Variants in KIF20B observed in about 807,000 individuals in gnomAD.
KIF20B encodes kinesin-like protein KIF20B.
A neutral mutation model predicts 232.5 loss-of-function variants in KIF20B; 188 were observed. That is an observed-to-expected ratio of 0.81 (90% CI 0.72 to 0.91). KIF20B has a LOEUF of 0.91. Ranked by LOEUF, KIF20B falls within the 40% of genes least tolerant of loss-of-function variation. The pLI is 0.00. For synonymous variants in KIF20B, 712 were observed against 683.0 expected, an observed-to-expected ratio of 1.04 and a Z score of -0.66; for missense variants, 2,154 against 2,055.9, an observed-to-expected ratio of 1.05 and a Z score of -0.92.
chr10:89,721,931 A>G (rs1843067697), intron 13 of KIF20B, among the ~76,000 whole-genome samples: 1 of 152,134 alleles, frequency 6.6e-6, no homozygotes, highest in Non-Finnish European at 1.5e-5. Flanking sequence ...TTTCTTCTAG[A>G]GACAAAGTCT....
chr10:89,751,335 C>T lies in KIF20B; in HGVS notation c.4097-11C>T, dbSNP rs1172916814. 17 of 1,582,976 alleles carry T rather than the reference C, an allele frequency of 1.1e-5. No individual in the cohort carries two copies. The highest frequency in any genetic ancestry group is 1.5e-5 in the Non-Finnish European group (17 of 1,167,688). ...CTATTAATTTCTAAAATGTTCTCCC[C>T]CGATTTTTAGATCTAAATGTTAAAG... is the stretch of plus-strand genomic sequence containing the variant. On this transcript the variant is annotated splice_polypyrimidine_tract_variant and intron_variant, in intron 23 of 32. Coordinates refer to ENST00000371728, the MANE Select transcript of KIF20B (RefSeq NM_001284259.2).
chr10:89,726,865 G>C (rs1355550767), intron 16 of KIF20B, among the ~76,000 whole-genome samples: 1 of 152,034 alleles, frequency 6.6e-6, no homozygotes, highest in Non-Finnish European at 1.5e-5. Flanking sequence ...GGAGTCAGTA[G>C]TGGCATCACA....
chr10:89,702,881 C>T (rs955677809), intron 1 of KIF20B, among the ~76,000 whole-genome samples: 1 of 151,830 alleles, frequency 6.6e-6, no homozygotes, highest in Admixed American at 6.6e-5. Context: ...AGGCAAGGTT[C>T]TTGCCATCAA....
intron 21 of KIF20B, 119 bp downstream of exon 21, chr10:89,739,215 T>A: frequency 8.9e-7 from 1 of 1,127,320 alleles, no homozygotes; most frequent in Non-Finnish European, 1.2e-6. Flanking sequence ...TAATTTTTCT[T>A]AAAATTACAA....
chr10:89,760,172 G>A (rs191931245), intron 27 of KIF20B, among the ~76,000 whole-genome samples: 65 of 152,218 alleles, frequency 4.3e-4, no homozygotes, highest in African/African-American at 1.4e-3. Context: ...AACGTGTGTC[G>A]TTCTCTATTT....
Position 89,763,946 on chromosome 10 carries a change from G to A in KIF20B, c.4989+1111G>A, listed in dbSNP as rs976809194. ...GTTTTAGGGTACATGTGCACAATGT[G>A]CAGTTTAGTTACATATGTATATATG... is the stretch of plus-strand genomic sequence containing the variant. On this transcript the variant is annotated intron_variant, in intron 29 of 32. Transcript: ENST00000371728. Among the ~76,000 whole-genome samples the A allele has an allele frequency of 1.8e-4, 27 of 150,252 alleles. No individual in the cohort carries two copies. The East Asian group carries it at 4.3e-3, about 24-fold the overall frequency.
chr10:89,741,270 G>A (rs551377892), intron 21 of KIF20B, among the ~76,000 whole-genome samples: 3 of 152,210 alleles, frequency 2.0e-5, no homozygotes, highest in South Asian at 2.1e-4. Flanking sequence ...GACAGTAGGC[G>A]GAGCTCAGGC....
intron 15 of KIF20B, among the ~76,000 whole-genome samples, 184 bp from the exon 16 acceptor site, chr10:89,726,109 C>T (rs147382103): frequency 1.3e-5 from 2 of 152,136 alleles, no homozygotes; most frequent in Non-Finnish European, 2.9e-5. Flanking sequence ...ATGGTCCATA[C>T]AGCAGAAAAT....
rs1344888406 is a variant in KIF20B at position 89,726,358 on chromosome 10, T to G, written c.2067T>G (p.Ile689Met). 3.9e-6 allele frequency: 6 copies of G among 1,556,596 alleles called. No individual in the cohort carries two copies. The highest frequency in any genetic ancestry group is 5.2e-6 in the Non-Finnish European group (6 of 1,149,026). ...IDSLQDNVAD[I>M]KKQAEIAHLY... ...CTCTTCAAGATAATGTTGCTGATATTAAGAAACAGGCTGAAATTGCTCACT... is the reference window on the plus strand; with the variant it reads ...CTCTTCAAGATAATGTTGCTGATATGAAGAAACAGGCTGAAATTGCTCACT... Residue 689 changes from isoleucine to methionine, a missense_variant, in exon 16 of 33, where the codon ATT (isoleucine) becomes ATG (methionine). By Grantham distance (10) the Ile-to-Met change is conservative. Coordinates refer to ENST00000371728, the MANE Select transcript of KIF20B (RefSeq NM_001284259.2).
At chr10:89,740,233 CTTT>C (rs35967236) in intron 21 of KIF20B, among the ~76,000 whole-genome samples, 2,481 of 135,260 alleles carry the variant, frequency 0.018, 82 homozygotes, top group African/African-American at 0.062. Context: ...ATTGTGCTGT[CTTT>C]TTTTTTTTTT....
chr10:89,737,572 CAG>C lies in KIF20B; in HGVS notation c.2733_2734del (p.Gln911HisfsTer12). 6.2e-7 allele frequency: 1 copy of C among 1,605,736 alleles called. No homozygotes were observed. The highest frequency in any genetic ancestry group is 8.5e-7 in the Non-Finnish European group (1 of 1,176,744). ...EKEEKAELNKQIVHFQQELSL... is the reference protein window; with the variant it reads ...EKEEKAELNKXIVHFQQELSL... ...GGAAGAAAAAGCAGAATTAAATAAA[CAG>C]ATTGTTCATTTTCAGCAGGAACTTT... On this transcript the variant is annotated frameshift_variant, in exon 20 of 33. Transcript: ENST00000371728. LOFTEE classifies it high-confidence loss of function.
intron 18 of KIF20B, among the ~76,000 whole-genome samples, chr10:89,730,275 G>A (rs1328870265): frequency 2.6e-5 from 4 of 152,050 alleles, no homozygotes; most frequent in African/African-American, 9.7e-5. Context: ...AAACTATTTA[G>A]TAATAATTAG....
chr10:89,771,974 A>G (rs910403752), intron 31 of KIF20B, among the ~76,000 whole-genome samples: 1 of 151,940 alleles, frequency 6.6e-6, no homozygotes, highest in African/African-American at 2.4e-5. Flanking sequence ...CTGGACTCTC[A>G]GCTCTCTCAA....
Position 89,732,593 on chromosome 10 carries a change from A to G in KIF20B, c.2392-310A>G, listed in dbSNP as rs1843349470. On this transcript the variant is annotated intron_variant, in intron 18 of 32. Transcript: ENST00000371728. ...CTAGGAGTTGTTAATGTTTAAGACA[A>G]TACTAATCTTTAAGAGGCTTTGGCT... Among the ~76,000 whole-genome samples the G allele has an allele frequency of 2.0e-5, 3 of 152,356 alleles. No homozygotes were observed. The South Asian group carries it at 6.2e-4, about 32-fold the overall frequency.
intron 22 of KIF20B, 34 bp from the exon 23 acceptor site, chr10:89,745,865 A>G (rs1469846541): frequency 7.1e-7 from 1 of 1,409,050 alleles, no homozygotes; most frequent in South Asian, 1.2e-5. Context: ...TTTTAAGTTA[A>G]TTTGCAATTA....
chr10:89,702,755 C>G (rs943404175), intron 1 of KIF20B, among the ~76,000 whole-genome samples: 52 of 141,806 alleles, frequency 3.7e-4, no homozygotes, highest in Non-Finnish European at 6.4e-4. Context: ...CTAGGACCGA[C>G]TTTTTTTTTT....
intron 26 of KIF20B, among the ~76,000 whole-genome samples, chr10:89,757,869 C>G (rs10881659): frequency 6.6e-6 from 1 of 150,940 alleles, no homozygotes; most frequent in Non-Finnish European, 1.5e-5. Flanking sequence ...TTGTTCCAGC[C>G]CCATTTATTG....
intron 1 of KIF20B, among the ~76,000 whole-genome samples, chr10:89,703,126 TG>T (rs1394574801): frequency 3.3e-5 from 5 of 151,474 alleles, no homozygotes; most frequent in African/African-American, 1.2e-4. Flanking sequence ...AATTATTATT[TG>T]AAGCCACAGG....
At chr10:89,739,898 G>A (rs921879398) in intron 21 of KIF20B, among the ~76,000 whole-genome samples, 3 of 151,900 alleles carry the variant, frequency 2.0e-5, no homozygotes, top group South Asian at 2.1e-4. Context: ...TTGTACAGTC[G>A]TAATTAATCA....
Sources: gnomAD v4.1 joint callset for allele counts (sites outside exome capture counted in the v4.1 genomes callset) on GRCh38, gnomAD v4.1.1 for gene constraint, MANE v1.5 for transcripts, NCBI Gene and HGNC (gene_info 2026-07-23, HGNC 2026-07-21) for gene names.